Variants in BAZ1A observed in about 807,000 individuals in gnomAD.
BAZ1A encodes bromodomain adjacent to zinc finger domain 1A, also known as bromodomain adjacent to zinc finger domain protein 1A.
BAZ1A carries 50 observed loss-of-function variants against 185.2 expected under a neutral mutation model. That is an observed-to-expected ratio of 0.27 (90% CI 0.22 to 0.34). BAZ1A has a LOEUF of 0.34. Ranked by LOEUF, BAZ1A falls within the 10% of genes least tolerant of loss-of-function variation. The pLI is 1.00. For synonymous variants in BAZ1A, 571 were observed against 615.6 expected (o/e 0.93, Z 1.07); for missense variants, 1,356 against 1,839.9 (o/e 0.74, Z 4.81).
intron 6 of BAZ1A, among the ~76,000 whole-genome samples, chr14:34,805,775 A>G (rs1041267042): frequency 1.3e-5 from 2 of 151,950 alleles, no homozygotes; most frequent in African/African-American, 4.8e-5. Context: ...TATCTATTTG[A>G]CCATTTTCCT....
Position 34,804,169 on chromosome 14 carries a change from G to A in BAZ1A, c.727-1181C>T, listed in dbSNP as rs139276240. 1.1e-4 allele frequency among the ~76,000 whole-genome samples: 17 copies of A among 152,124 alleles called. No homozygotes were observed. In the East Asian group the frequency reaches 3.3e-3, roughly 29 times the overall value. Reference sequence around the variant, plus strand: ...ATTACAGGTGCGTGCCACCACATCTGGCTAATTTTTGTATTTTTAGTAGAG... The same window carrying A: ...ATTACAGGTGCGTGCCACCACATCTAGCTAATTTTTGTATTTTTAGTAGAG... On this transcript the variant is annotated intron_variant, in intron 6 of 26. Coordinates refer to ENST00000360310, the MANE Select transcript of BAZ1A (RefSeq NM_013448.3).
At chr14:34,754,989 T>C in intron 25 of BAZ1A, 75 bp from the exon 26 acceptor site, 2 of 1,177,612 alleles carry the variant, frequency 1.7e-6, no homozygotes, top group South Asian at 2.9e-5. Flanking sequence ...ACTAAAAGTT[T>C]TGCACTAAAA....
chr14:34,858,277 A>G (rs1315099327), intron 3 of BAZ1A, among the ~76,000 whole-genome samples: 1 of 152,094 alleles, frequency 6.6e-6, no homozygotes, highest in Non-Finnish European at 1.5e-5. Context: ...TTTTTTTTTG[A>G]GACAGACTCG....
chr14:34,758,049 C>T (rs115231187), intron 25 of BAZ1A, among the ~76,000 whole-genome samples: 1,894 of 149,914 alleles, frequency 0.013, 38 homozygotes, highest in African/African-American at 0.044. Flanking sequence ...GCCCGGCCAA[C>T]CCTATTGTTT....
chr14:34,782,197 A>T (rs1356980993), intron 16 of BAZ1A, among the ~76,000 whole-genome samples: 1 of 152,234 alleles, frequency 6.6e-6, no homozygotes, highest in African/African-American at 2.4e-5. Flanking sequence ...GCAATGTATG[A>T]GAGTCCTGAT....
Position 34,753,387 on chromosome 14 carries a change from A to C in BAZ1A, c.*121T>G. The C allele has an allele frequency of 2.2e-6, 2 of 926,128 alleles. No individual in the cohort carries two copies. The allele number at this position is 926,128 out of a possible 1,614,324, so 57.4% of individuals were successfully genotyped here. A position where few individuals can be genotyped will look rare whatever the true frequency, so the allele number is the denominator to read the frequency against. On this transcript the variant is annotated 3_prime_UTR_variant, in exon 27 of 27. Coordinates refer to ENST00000360310, the MANE Select transcript of BAZ1A (RefSeq NM_013448.3). ...AGTGCTTAATATTAAAATTGAGAATATAGTGCAGGCCACACTTTCATGTGG... is the reference window on the plus strand; with the variant it reads ...AGTGCTTAATATTAAAATTGAGAATCTAGTGCAGGCCACACTTTCATGTGG...
intron 26 of BAZ1A, among the ~76,000 whole-genome samples, chr14:34,754,426 A>AAAAAAAAG (rs543554757): frequency 0.21 from 25,875 of 120,760 alleles, 3,075 homozygotes; most frequent in Non-Finnish European, 0.3. Flanking sequence ...TCAAAAAAAA[A>AAAAAAAAG]AAAAAAGAAA....
chr14:34,875,128 C>T lies in BAZ1A; in HGVS notation c.-59+10G>A, dbSNP rs2043027458. 1 of 373,814 alleles carries T rather than the reference C, an allele frequency of 2.7e-6. No individual in the cohort carries two copies. The highest frequency in any genetic ancestry group is 5.4e-6 in the Non-Finnish European group (1 of 186,534). 23.2% of individuals were successfully genotyped at this position (373,814 alleles called of 1,614,324 possible). On this transcript the variant is annotated intron_variant, in intron 1 of 26. Transcript: ENST00000360310. ...CCGCCGGCGCCGGCCGGCTCCCGAG[C>T]GACCCTCACCTGCGATCACGCCGAC...
rs1280414918 is a variant in BAZ1A, at chr14:34,795,882, A to G, written c.1129-117T>C. 3 of 697,330 alleles carry G rather than the reference A, an allele frequency of 4.3e-6. No homozygotes were observed. In the African/African-American group the frequency reaches 5.4e-5, roughly 13 times the overall value. 43.2% of individuals were successfully genotyped at this position (697,330 alleles called of 1,614,324 possible). A position where few individuals can be genotyped will look rare whatever the true frequency, so the allele number is the denominator to read the frequency against. ...TTGGACCTTACCCCATACCTACTGAAGCAGTAACTCTGAGGTTAGGACTTA... is the reference window on the plus strand; with the variant it reads ...TTGGACCTTACCCCATACCTACTGAGGCAGTAACTCTGAGGTTAGGACTTA... On this transcript the variant is annotated intron_variant, in intron 9 of 26. Transcript: ENST00000360310.
chr14:34,759,669 T>TTTTC (rs1555337052), intron 24 of BAZ1A, among the ~76,000 whole-genome samples: 1 of 151,302 alleles, frequency 6.6e-6, no homozygotes. Flanking sequence ...CAGATCTTAA[T>TTTTC]TTTATTTATT....
chr14:34,870,878 G>A (rs906368328), intron 2 of BAZ1A, among the ~76,000 whole-genome samples: 1 of 152,186 alleles, frequency 6.6e-6, no homozygotes, highest in African/African-American at 2.4e-5. Flanking sequence ...TATTAACAAG[G>A]GAGAGCAGAT....
Position 34,875,156 on chromosome 14 carries a change from C to T in BAZ1A, c.-77G>A, listed in dbSNP as rs908602481. ...CCCTCACCTGCGATCACGCCGACTGCCACTTGTCCACCTTCTCCACTACAA... is the reference window on the plus strand; with the variant it reads ...CCCTCACCTGCGATCACGCCGACTGTCACTTGTCCACCTTCTCCACTACAA... On this transcript the variant is annotated 5_prime_UTR_variant, in exon 1 of 27. Transcript: ENST00000360310. 7.2e-6 allele frequency: 3 copies of T among 414,862 alleles called. No individual in the cohort carries two copies. Among genetic ancestry groups the T allele is most frequent in the Admixed American group, 5.3e-5 (2 of 37,894 alleles). The allele number at this position is 414,862 out of a possible 1,614,324, so 25.7% of individuals were successfully genotyped here.
chr14:34,783,477 AG>A (rs201877832), intron 15 of BAZ1A, among the ~76,000 whole-genome samples: 2,849 of 150,684 alleles, frequency 0.019, 36 homozygotes, highest in South Asian at 0.039. Context: ...CTGGGATTAC[AG>A]GCATGCACCA....
chr14:34,810,755 T>A (rs1489979168), intron 5 of BAZ1A, among the ~76,000 whole-genome samples, 180 bp downstream of exon 5: 11 of 152,186 alleles, frequency 7.2e-5, no homozygotes, highest in Admixed American at 7.2e-4. Context: ...CTACTGCACC[T>A]GGCCTCCATC....
intron 9 of BAZ1A, among the ~76,000 whole-genome samples, chr14:34,798,107 C>T (rs1467790627): frequency 1.3e-5 from 2 of 152,246 alleles, no homozygotes; most frequent in African/African-American, 4.8e-5. Context: ...GAGGCAGTAG[C>T]CTGGCAGGGG....
At chr14:34,811,230 C>T (rs181846042) in intron 4 of BAZ1A, among the ~76,000 whole-genome samples, 194 bp from the exon 5 acceptor site, 41 of 152,004 alleles carry the variant, frequency 2.7e-4, no homozygotes, top group Admixed American at 4.6e-4. Context: ...CTGCAACCTC[C>T]GCCTCCTGGG....
At chr14:34,864,291 A>G (rs973334547) in intron 2 of BAZ1A, among the ~76,000 whole-genome samples, 1 of 151,670 alleles carries the variant, frequency 6.6e-6, no homozygotes, top group Non-Finnish European at 1.5e-5. Flanking sequence ...CTACAGGTAC[A>G]TACCACTATA....
intron 7 of BAZ1A, 48 bp downstream of exon 7, chr14:34,802,806 C>T (rs759308867): frequency 6.4e-7 from 1 of 1,560,758 alleles, no homozygotes; most frequent in African/African-American, 1.4e-5. Flanking sequence ...ATTCTGAATA[C>T]TGTTTTACTA....
chr14:34,771,272 T>C (rs1431376317), intron 21 of BAZ1A: 1 of 376,238 alleles, frequency 2.7e-6, no homozygotes, highest in African/African-American at 2.1e-5. Context: ...GTGTTGGGAT[T>C]ACAGGCATGA....
Sources: gnomAD v4.1 joint callset for allele counts (sites outside exome capture counted in the v4.1 genomes callset) on GRCh38, gnomAD v4.1.1 for gene constraint, MANE v1.5 for transcripts, NCBI Gene and HGNC (gene_info 2026-07-23, HGNC 2026-07-21) for gene names.